Variants in SCG5 observed in about 807,000 individuals in gnomAD.
SCG5 encodes secretogranin V.
A neutral mutation model predicts 25.7 loss-of-function variants in SCG5; 18 were observed. That is an observed-to-expected ratio of 0.70 (90% CI 0.48 to 1.04). SCG5 has a LOEUF of 1.04. SCG5 is among the 50% of genes least tolerant of loss of function. SCG5 has a pLI of 0.00. For missense variants in SCG5, 206 were observed against 259.8 expected (o/e 0.79, Z 1.42); for synonymous variants, 101 against 91.7 (o/e 1.10, Z -0.58).
At chr15:32,683,256 C>T (rs2054649667) in intron 3 of SCG5, among the ~76,000 whole-genome samples, 1 of 152,040 alleles carries the variant, frequency 6.6e-6, no homozygotes, top group African/African-American at 2.4e-5. Flanking sequence ...TAAATGGCCC[C>T]CCTTTCAGCA....
chr15:32,645,820 AT>A (rs1168304416), intron 2 of SCG5, among the ~76,000 whole-genome samples: 3 of 151,652 alleles, frequency 2.0e-5, no homozygotes, highest in African/African-American at 7.3e-5. Flanking sequence ...TAACATAGCA[AT>A]TTTTTTTTCT....
chr15:32,646,240 T>C (rs2053942696), intron 2 of SCG5, among the ~76,000 whole-genome samples: 1 of 152,216 alleles, frequency 6.6e-6, no homozygotes, highest in African/African-American at 2.4e-5. Context: ...CAGCATTCAT[T>C]TATTATTTGA....
At chr15:32,683,470 C>T (rs1292069950) in intron 3 of SCG5, among the ~76,000 whole-genome samples, 1 of 152,128 alleles carries the variant, frequency 6.6e-6, no homozygotes, top group African/African-American at 2.4e-5. Flanking sequence ...AGAGAGATAG[C>T]CTTCTTTCTT....
intron 2 of SCG5, among the ~76,000 whole-genome samples, chr15:32,660,181 C>CT (rs1220522348): frequency 1.3e-5 from 2 of 152,144 alleles, no homozygotes; most frequent in East Asian, 1.9e-4. Flanking sequence ...GGACCTCTGG[C>CT]TTTTTTTACA....
intron 2 of SCG5, among the ~76,000 whole-genome samples, chr15:32,652,241 G>A (rs1308840349): frequency 6.6e-6 from 1 of 152,064 alleles, no homozygotes; most frequent in Non-Finnish European, 1.5e-5. Flanking sequence ...GGGGCTTTGG[G>A]CAGAGCCGGC....
chr15:32,685,315 A>C (rs1342550949), intron 4 of SCG5, among the ~76,000 whole-genome samples: 1 of 152,228 alleles, frequency 6.6e-6, no homozygotes, highest in East Asian at 1.9e-4. Context: ...ATTTGCCAGC[A>C]TTATTCATTT....
intron 5 of SCG5, chr15:32,692,021 G>A (rs1205239275): frequency 2.2e-6 from 3 of 1,359,438 alleles, no homozygotes; most frequent in East Asian, 2.9e-5. Context: ...TTCCGTTCAG[G>A]AAATGTGTAT....
chr15:32,692,317 G>A, intron 5 of SCG5: 1 of 979,554 alleles, frequency 1.0e-6, no homozygotes, highest in Non-Finnish European at 1.2e-6. Flanking sequence ...TTTGTTTGCT[G>A]TCTGTTGAAT....
At chr15:32,695,617 G>A (rs1053106731) in intron 5 of SCG5, among the ~76,000 whole-genome samples, 1 of 152,036 alleles carries the variant, frequency 6.6e-6, no homozygotes, top group Non-Finnish European at 1.5e-5. Flanking sequence ...CTGAAGGAAG[G>A]TGGAAATGAT....
chr15:32,695,693 G>C (rs2054945160), intron 5 of SCG5, among the ~76,000 whole-genome samples: 1 of 152,088 alleles, frequency 6.6e-6, no homozygotes, highest in Non-Finnish European at 1.5e-5. Flanking sequence ...CCCAGCAACA[G>C]GATGATCTGG....
At chr15:32,691,171 A>T (rs199831781) in intron 4 of SCG5, among the ~76,000 whole-genome samples, 6 of 152,232 alleles carry the variant, frequency 3.9e-5, no homozygotes, top group Middle Eastern at 3.4e-3. Context: ...GCAGTTTTTA[A>T]AAGGTTCACT....
intron 2 of SCG5, among the ~76,000 whole-genome samples, chr15:32,667,534 A>G (rs368331055): frequency 6.6e-6 from 1 of 152,228 alleles, no homozygotes; most frequent in South Asian, 2.1e-4. Context: ...TAAGGCACGA[A>G]TTGCTCATCA....
At chr15:32,678,886 A>G (rs933058506) in intron 2 of SCG5, among the ~76,000 whole-genome samples, 3 of 152,238 alleles carry the variant, frequency 2.0e-5, no homozygotes, top group African/African-American at 4.8e-5. Context: ...TTGTGCTTCA[A>G]TATTAAATAG....
At chr15:32,686,697 C>T (rs73371076) in intron 4 of SCG5, among the ~76,000 whole-genome samples, 3,696 of 152,108 alleles carry the variant, frequency 0.024, 154 homozygotes, top group African/African-American at 0.084. Flanking sequence ...AAGCCAGGTT[C>T]GATAAGGCAC....
At chr15:32,675,100 G>C (rs1465292204) in intron 2 of SCG5, among the ~76,000 whole-genome samples, 2 of 152,126 alleles carry the variant, frequency 1.3e-5, no homozygotes, top group Non-Finnish European at 2.9e-5. Context: ...ACGCAACTGG[G>C]CTTAAAACTC....
intron 2 of SCG5, among the ~76,000 whole-genome samples, chr15:32,662,913 T>G (rs975941832): frequency 1.5e-4 from 22 of 151,394 alleles, no homozygotes; most frequent in Non-Finnish European, 3.2e-4. Context: ...TGGAGTGCCA[T>G]TCATACATGT....
Position 32,657,209 on chromosome 15 carries a change from A to ATATATATATATGTATGTATG in SCG5, c.226+13394_226+13395insATATATATGTATGTATGTAT. On this transcript the variant is annotated intron_variant, in intron 2 of 5. Transcript: ENST00000300175. ...TTCTTTCATCCTCCTGTATATATAT[A>ATATATATATATGTATGTATG]TATGTATGTATTTCCAGGTGTAAGT... 8.5e-4 allele frequency among the ~76,000 whole-genome samples: 33 copies of ATATATATATATGTATGTATG among 38,754 alleles called. 6 individuals carry two copies. The highest frequency in any genetic ancestry group is 1.7e-3 in the African/African-American group (29 of 17,338). 25.4% of individuals were successfully genotyped at this position (38,754 alleles called of 152,430 possible). A position where few individuals can be genotyped will look rare whatever the true frequency, so the allele number is the denominator to read the frequency against.
At chr15:32,663,576 T>A (rs1342061818) in intron 2 of SCG5, among the ~76,000 whole-genome samples, 2 of 152,088 alleles carry the variant, frequency 1.3e-5, no homozygotes, top group Non-Finnish European at 2.9e-5. Context: ...AGAACAATAC[T>A]TTTCCTACCT....
chr15:32,695,580 C>T (rs998822100), intron 5 of SCG5, among the ~76,000 whole-genome samples: 3 of 151,970 alleles, frequency 2.0e-5, no homozygotes, highest in African/African-American at 7.3e-5. Flanking sequence ...CGGAAGCTTC[C>T]TTTTTTGCTT....
Sources: gnomAD v4.1 joint callset for allele counts (sites outside exome capture counted in the v4.1 genomes callset) on GRCh38, gnomAD v4.1.1 for gene constraint, MANE v1.5 for transcripts, NCBI Gene and HGNC (gene_info 2026-07-23, HGNC 2026-07-21) for gene names.